The following EXT1 variants were observed in gnomAD, a reference collection of about 807,000 sequenced individuals.
EXT1 encodes exostosin-1.
In EXT1, 20 loss-of-function variants were observed where a neutral mutation model predicts 82.5. The ratio of observed to expected loss-of-function variants is 0.24; its 90% CI spans 0.17 to 0.35. The LOEUF (loss-of-function observed/expected upper bound fraction) is 0.35. EXT1 is among the 10% of genes least tolerant of loss of function. The probability of loss-of-function intolerance (pLI) is 1.00; values close to 1 mark genes in which losing one functional copy is unlikely to be tolerated. For missense variants in EXT1, 757 were observed against 936.5 expected (o/e 0.81, Z 2.50); for synonymous variants, 348 against 350.8 (o/e 0.99, Z 0.09).
chr8:117,912,122 C>T (rs1015990515), intron 1 of EXT1, among the ~76,000 whole-genome samples: 4 of 152,248 alleles, frequency 2.6e-5, no homozygotes, highest in African/African-American at 7.2e-5. Flanking sequence ...AAATGAGGCA[C>T]GATGGCTCTG....
At chr8:117,820,572 C>T (rs1040032220) in intron 5 of EXT1, among the ~76,000 whole-genome samples, 20 of 111,950 alleles carry the variant, frequency 1.8e-4, no homozygotes, top group African/African-American at 5.7e-4. Flanking sequence ...GCCTGTAGTC[C>T]CAGTTATCGG....
intron 10 of EXT1, among the ~76,000 whole-genome samples, chr8:117,804,224 GCTCTTAT>G (rs1823205789): frequency 6.6e-6 from 1 of 152,108 alleles, no homozygotes; most frequent in African/African-American, 2.4e-5. Flanking sequence ...TGGGAGCAGT[GCTCTTAT>G]AAAAAGGACC....
At chr8:117,829,086 C>A (rs2129768133) in intron 4 of EXT1, among the ~76,000 whole-genome samples, 1 of 152,240 alleles carries the variant, frequency 6.6e-6, no homozygotes. Context: ...AAAAGGAAGG[C>A]CACAATGCCC....
chr8:118,038,031 G>T (rs1187614500), intron 1 of EXT1, among the ~76,000 whole-genome samples: 1 of 151,768 alleles, frequency 6.6e-6, no homozygotes, highest in Non-Finnish European at 1.5e-5. Flanking sequence ...TTACCATCTT[G>T]GCCAGGGTAG....
intron 1 of EXT1, among the ~76,000 whole-genome samples, chr8:117,957,185 T>C (rs1283315397): frequency 1.3e-5 from 2 of 152,082 alleles, no homozygotes; most frequent in Non-Finnish European, 2.9e-5. Context: ...CCACAGCAAA[T>C]ATTAAAAGCA....
chr8:118,074,180 G>A (rs76983879), intron 1 of EXT1, among the ~76,000 whole-genome samples: 8,277 of 152,142 alleles, frequency 0.054, 723 homozygotes, highest in African/African-American at 0.18. Context: ...AAGGATGGGA[G>A]ATGATCTAAG....
At chr8:118,007,033 C>G (rs1313221155) in intron 1 of EXT1, among the ~76,000 whole-genome samples, 1 of 152,174 alleles carries the variant, frequency 6.6e-6, no homozygotes, top group Non-Finnish European at 1.5e-5. Context: ...CGCGGTGGCT[C>G]ACGCCTGTAA....
chr8:118,070,228 G>C (rs1223724270), intron 1 of EXT1, among the ~76,000 whole-genome samples: 1 of 19,374 alleles, frequency 5.2e-5, no homozygotes, highest in Non-Finnish European at 8.8e-5. Context: ...ATAAATTTCT[G>C]TGTGTGTGTG....
chr8:117,898,740 T>C (rs1205032694), intron 1 of EXT1, among the ~76,000 whole-genome samples: 1 of 152,036 alleles, frequency 6.6e-6, no homozygotes, highest in Non-Finnish European at 1.5e-5. Context: ...AATGCAAGCA[T>C]AGATTCCAAT....
intron 1 of EXT1, among the ~76,000 whole-genome samples, chr8:117,989,083 A>AAC (rs1815381989): frequency 7.0e-6 from 1 of 142,400 alleles, no homozygotes; most frequent in African/African-American, 2.7e-5. Context: ...AAAAAAAACT[A>AAC]TTTTATTTTA....
chr8:117,983,232 C>T (rs1367369902), intron 1 of EXT1, among the ~76,000 whole-genome samples: 3 of 152,132 alleles, frequency 2.0e-5, no homozygotes, highest in Non-Finnish European at 2.9e-5. Context: ...ACCTGTAATT[C>T]CAACACTTTA....
chr8:117,869,449 T>C (rs1046841976), intron 1 of EXT1, among the ~76,000 whole-genome samples: 1 of 152,174 alleles, frequency 6.6e-6, no homozygotes, highest in Non-Finnish European at 1.5e-5. Flanking sequence ...CTCAAGTGCA[T>C]GATGAAGTCA....
chr8:117,927,575 G>A (rs1813977001), intron 1 of EXT1, among the ~76,000 whole-genome samples: 1 of 137,986 alleles, frequency 7.2e-6, no homozygotes, highest in Non-Finnish European at 1.6e-5. Flanking sequence ...AAGAGAAGAT[G>A]GGCACAGGGG....
chr8:117,808,347 G>A (rs12675718), intron 8 of EXT1, among the ~76,000 whole-genome samples: 11,820 of 152,234 alleles, frequency 0.078, 602 homozygotes, highest in East Asian at 0.16. Flanking sequence ...CAATACCCCT[G>A]TAAGGCAGGG....
intron 1 of EXT1, among the ~76,000 whole-genome samples, chr8:118,092,082 G>A (rs2514744): frequency 0.56 from 85,341 of 152,020 alleles, 25,760 homozygotes; most frequent in Middle Eastern, 0.71. Flanking sequence ...AGCCCAAGTC[G>A]AGTATAAAGT....
chr8:117,837,158 C>T lies in EXT1; in HGVS notation c.1006G>A (p.Val336Ile), dbSNP rs756329599. 2 of 1,613,906 alleles carry T rather than the reference C, an allele frequency of 1.2e-6. No individual in the cohort carries two copies. The highest frequency in any genetic ancestry group is 1.7e-6 in the Non-Finnish European group (2 of 1,179,968). The change falls in exon 2 of 11, where the codon GTT (valine) becomes ATT (isoleucine). Residue 336 changes from valine (V) to isoleucine (I), a missense_variant. Coordinates refer to ENST00000378204, the MANE Select transcript of EXT1 (RefSeq NM_000127.3). ...EMLHNATFCL[V>I]PRGRRLGSFR... ...GACCCAAGCCTGCGACCACGAGGAA[C>T]CAGACAGAAAGTGGCATTGTGCAGC...
chr8:117,888,090 T>A (rs1813179343), intron 1 of EXT1, among the ~76,000 whole-genome samples: 1 of 149,830 alleles, frequency 6.7e-6, no homozygotes, highest in African/African-American at 2.4e-5. Flanking sequence ...ATCTCAAAAA[T>A]AATAATAATA....
intron 7 of EXT1, among the ~76,000 whole-genome samples, chr8:117,818,025 A>G (rs1563569823): frequency 6.6e-6 from 1 of 152,228 alleles, no homozygotes; most frequent in Admixed American, 6.5e-5. Context: ...GACATAGCTC[A>G]TTCAGATTAA....
intron 1 of EXT1, among the ~76,000 whole-genome samples, chr8:118,104,935 T>C (rs547670894): frequency 6.6e-6 from 1 of 152,314 alleles, no homozygotes; most frequent in African/African-American, 2.4e-5. Flanking sequence ...GCAAAGCGAA[T>C]GCAGTGAGGT....
Sources: gnomAD v4.1 joint callset for allele counts (sites outside exome capture counted in the v4.1 genomes callset) on GRCh38, gnomAD v4.1.1 for gene constraint, MANE v1.5 for transcripts, NCBI Gene and HGNC (gene_info 2026-07-23, HGNC 2026-07-21) for gene names.